Variants in CNTLN observed in about 807,000 individuals in gnomAD.
CNTLN encodes centlein, centrosomal protein.
CNTLN carries 212 observed loss-of-function variants against 180.0 expected under a neutral mutation model. That is an observed-to-expected ratio of 1.18 (90% confidence interval 1.05 to 1.32). The LOEUF (loss-of-function observed/expected upper bound fraction) is 1.32. CNTLN is among the 40% of genes most tolerant of loss of function. CNTLN has a pLI of 0.00. For synonymous variants in CNTLN, 722 were observed against 563.1 expected, an observed-to-expected ratio of 1.28 and a Z score of -3.99; for missense variants, 2,095 against 1,610.9, an observed-to-expected ratio of 1.30 and a Z score of -5.14.
rs745339450 is a variant in CNTLN, at chr9:17,226,292, G to A, written c.534+5G>A. ...AAAATACAAGAATTTGAACAGGTTGGTGTTATAATAAAAATATTTAAATTA... is the reference window on the plus strand; with the variant it reads ...AAAATACAAGAATTTGAACAGGTTGATGTTATAATAAAAATATTTAAATTA... On this transcript the variant is annotated splice_donor_5th_base_variant and intron_variant, in intron 3 of 25. Transcript: ENST00000380647. The A allele has an allele frequency of 1.3e-6, 2 of 1,482,918 alleles. No homozygotes were observed. The highest frequency in any genetic ancestry group is 1.8e-6 in the Non-Finnish European group (2 of 1,100,672). The allele number at this position is 1,482,918 out of a possible 1,614,324, so 91.9% of individuals were successfully genotyped here.
At chr9:17,195,327 G>C (rs1337865721) in intron 2 of CNTLN, among the ~76,000 whole-genome samples, 1 of 152,140 alleles carries the variant, frequency 6.6e-6, no homozygotes, top group African/African-American at 2.4e-5. Flanking sequence ...ATAATAATTT[G>C]ACCTGTAATA....
intron 5 of CNTLN, among the ~76,000 whole-genome samples, chr9:17,238,410 C>T (rs1315050773): frequency 6.6e-6 from 1 of 152,164 alleles, no homozygotes; most frequent in Non-Finnish European, 1.5e-5. Context: ...CACTGATCTT[C>T]TCCCAGCTTT....
chr9:17,271,291 A>G (rs1827929319), intron 5 of CNTLN, among the ~76,000 whole-genome samples: 1 of 152,000 alleles, frequency 6.6e-6, no homozygotes. Flanking sequence ...CGCACCATAA[A>G]TCATGCACCA....
At position 17,415,801 on chromosome 9, in the gene CNTLN, A is replaced by G. The variant is rs763707678; in HGVS notation, c.2810A>G (p.Asp937Gly). 1.2e-6 allele frequency: 2 copies of G among 1,605,134 alleles called. No individual in the cohort carries two copies. The highest frequency in any genetic ancestry group is 1.1e-5 in the South Asian group (1 of 90,470). Residue 937 changes from aspartate (D) to glycine (G), a missense_variant, in exon 17 of 26, where the codon GAT (aspartate) becomes GGT (glycine). By Grantham distance (94) the Asp-to-Gly change is moderately conservative (BLOSUM62 -1). Transcript: ENST00000380647. ...CTTCAAATTTAGGACTATTTTCATG[A>G]TAAGAATGCCAAAAAACCAACTTTT... is the stretch of plus-strand genomic sequence containing the variant. ...DGKTPKDYFH[D>G]KNAKKPTFQK... is the part of the protein sequence containing the mutation.
chr9:17,295,152 C>T lies in CNTLN; in HGVS notation c.984-3038C>T, dbSNP rs1027319028. Among the ~76,000 whole-genome samples the T allele has an allele frequency of 1.1e-4, 16 of 152,042 alleles. 1 individual carries two copies. Among genetic ancestry groups the T allele is most frequent in the African/African-American group, 3.6e-4 (15 of 41,556 alleles). On this transcript the variant is annotated intron_variant, in intron 6 of 25. Transcript: ENST00000380647. ...GCGGGCCGCCAAGCCCACGCCCACC[C>T]GGAACTCTAGCTGGCCCGCAGGCGC...
chr9:17,405,883 G>A (rs889611049), intron 15 of CNTLN, among the ~76,000 whole-genome samples: 4 of 151,560 alleles, frequency 2.6e-5, no homozygotes, highest in Admixed American at 2.0e-4. Flanking sequence ...CTGTCCCCTG[G>A]GTTCAAGCGA....
At chr9:17,478,767 T>G (rs910063248) in intron 23 of CNTLN, among the ~76,000 whole-genome samples, 6 of 152,182 alleles carry the variant, frequency 3.9e-5, no homozygotes, top group Non-Finnish European at 8.8e-5. Context: ...CCGTTATATA[T>G]CACCCTGTCG....
chr9:17,301,440 A>T, intron 7 of CNTLN: 1 of 985,374 alleles, frequency 1.0e-6, no homozygotes, highest in Non-Finnish European at 1.2e-6. Context: ...AGATGTGCTA[A>T]CCTAATAATT....
rs764821839 is a variant in CNTLN, at chr9:17,340,867, G to A, written c.1685G>A (p.Arg562His). Residue 562 changes from arginine to histidine, a missense_variant, in exon 11 of 26, where the codon CGC (arginine) becomes CAC (histidine). Arg to His is a conservative substitution (Grantham distance 29). Transcript: ENST00000380647. Reference sequence around the variant, plus strand: ...GAGCTAAGAGATGCCCATGAAAAACGCAAGGAACGGCTACAGATGTTACAG... The same window carrying A: ...GAGCTAAGAGATGCCCATGAAAAACACAAGGAACGGCTACAGATGTTACAG... ...NDELRDAHEK[R>H]KERLQMLQTN... The A allele has an allele frequency of 1.7e-4, 275 of 1,611,864 alleles. 2 individuals are homozygous for A. Among genetic ancestry groups the A allele is most frequent in the Middle Eastern group, 1.3e-3 (8 of 6,040 alleles).
intron 18 of CNTLN, among the ~76,000 whole-genome samples, chr9:17,424,016 G>A (rs1828912596): frequency 1.3e-5 from 2 of 152,118 alleles, no homozygotes; most frequent in African/African-American, 4.8e-5. Context: ...TCTTAGGAAG[G>A]TGCTTTCTTC....
Position 17,135,331 on chromosome 9 carries a change from T to C in CNTLN, c.266T>C (p.Leu89Pro), listed in dbSNP as rs992395185. The change falls in exon 1 of 26, where the codon CTA becomes CCA. Residue 89 changes from leucine to proline, a missense_variant. Transcript: ENST00000380647. ...AGCGCGCCCATGGGGTCCAGACGGC[T>C]AGAGGGCATCTCGGTAGAGGAGGCG... ...LLSAPMGSRR[L>P]EGISVEEAMV... 1.1e-5 allele frequency: 18 copies of C among 1,602,392 alleles called. No individual in the cohort carries two copies. In the African/African-American group the frequency reaches 2.3e-4, roughly 20 times the overall value.
At chr9:17,489,397 G>A (rs78521281) in intron 25 of CNTLN, among the ~76,000 whole-genome samples, 1,991 of 152,056 alleles carry the variant, frequency 0.013, 49 homozygotes, top group African/African-American at 0.045. Flanking sequence ...TTAGTCCAAT[G>A]TTGATTTTTT....
intron 23 of CNTLN, among the ~76,000 whole-genome samples, chr9:17,468,397 TTA>T (rs140689954): frequency 0.01 from 1,529 of 150,890 alleles, 24 homozygotes; most frequent in African/African-American, 0.035. Flanking sequence ...AAAATTAAAG[TTA>T]TATATATATA....
chr9:17,375,083 C>G (rs538440388), intron 13 of CNTLN, among the ~76,000 whole-genome samples: 5 of 152,280 alleles, frequency 3.3e-5, no homozygotes, highest in South Asian at 2.1e-4. Flanking sequence ...GTGTACTATT[C>G]AGCCATAAAA....
Position 17,330,421 on chromosome 9 carries a change from T to C in CNTLN, c.1342-211T>C, listed in dbSNP as rs144336745. Among the ~76,000 whole-genome samples, 482 of 152,150 alleles carry C rather than the reference T, an allele frequency of 3.2e-3. 1 individual carries two copies. The highest frequency in any genetic ancestry group is 0.01 in the African/African-American group (419 of 41,554). On this transcript the variant is annotated intron_variant, in intron 8 of 25. Coordinates refer to ENST00000380647, the MANE Select transcript of CNTLN (RefSeq NM_017738.4). ...TATATGACAGCATTATTTATGAAAA[T>C]ACTTGCATATAGACTCTTGGTTATT...
intron 18 of CNTLN, 52 bp from the exon 19 acceptor site, chr9:17,457,472 T>A (rs1358024081): frequency 1.0e-5 from 10 of 993,700 alleles, no homozygotes; most frequent in Non-Finnish European, 1.2e-5. Flanking sequence ...TTAGATTAAA[T>A]ATAGTTACTT....
intron 5 of CNTLN, among the ~76,000 whole-genome samples, chr9:17,242,961 A>G (rs1454246787): frequency 6.6e-6 from 1 of 152,120 alleles, no homozygotes; most frequent in Non-Finnish European, 1.5e-5. Flanking sequence ...TCAGCGGTGA[A>G]GCTGGGAGAT....
chr9:17,222,612 A>T (rs1366257285), intron 2 of CNTLN, among the ~76,000 whole-genome samples: 1 of 152,004 alleles, frequency 6.6e-6, no homozygotes. Flanking sequence ...AGGCCTCCCC[A>T]GCCATGTCGA....
At chr9:17,231,088 T>C (rs967470956) in intron 3 of CNTLN, among the ~76,000 whole-genome samples, 1 of 151,942 alleles carries the variant, frequency 6.6e-6, no homozygotes, top group African/African-American at 2.4e-5. Flanking sequence ...CTGAAAAGAG[T>C]TGTTGATTTT....
Sources: gnomAD v4.1 joint callset for allele counts (sites outside exome capture counted in the v4.1 genomes callset) on GRCh38, gnomAD v4.1.1 for gene constraint, MANE v1.5 for transcripts, NCBI Gene and HGNC (gene_info 2026-07-23, HGNC 2026-07-21) for gene names.